DPP6: variants seen among roughly 807,000 people sequenced by gnomAD.
DPP6 encodes dipeptidyl peptidase like 6, also known as A-type potassium channel modulatory protein DPP6.
In DPP6, 69 loss-of-function variants were observed where a neutral mutation model predicts 122.6. The observed-to-expected ratio is 0.56, with a 90% CI of 0.46 to 0.69. The LOEUF is 0.69. DPP6 is among the 30% of genes least tolerant of loss of function. The pLI is 0.00. For synonymous variants in DPP6, 418 were observed against 433.1 expected (o/e 0.97, Z 0.43); for missense variants, 928 against 1,116.9 (o/e 0.83, Z 2.41).
intron 16 of DPP6, 105 bp from the exon 17 acceptor site, chr7:154,853,675 C>T: frequency 1.3e-6 from 2 of 1,492,922 alleles, no homozygotes; most frequent in Non-Finnish European, 1.8e-6. Context: ...TCTCCAGGCT[C>T]CGCACGTCTA....
intron 1 of DPP6, among the ~76,000 whole-genome samples, chr7:154,365,382 G>T (rs1027807308): frequency 5.9e-5 from 9 of 152,206 alleles, no homozygotes; most frequent in African/African-American, 2.2e-4. Context: ...GACAAGGTGC[G>T]ATCTCCACTT....
At chr7:154,538,516 G>T (rs925300535) in intron 3 of DPP6, among the ~76,000 whole-genome samples, 5 of 152,066 alleles carry the variant, frequency 3.3e-5, no homozygotes, top group Non-Finnish European at 7.4e-5. Context: ...ATGTGGGGGC[G>T]GGGTAGAAGC....
At chr7:154,572,187 G>C (rs1474345685) in intron 5 of DPP6, among the ~76,000 whole-genome samples, 2 of 152,120 alleles carry the variant, frequency 1.3e-5, no homozygotes, top group Non-Finnish European at 2.9e-5. Context: ...GTGGTGAGTT[G>C]ATAGAGCCCA....
intron 3 of DPP6, among the ~76,000 whole-genome samples, chr7:154,501,885 C>T (rs1303332739): frequency 6.6e-6 from 1 of 152,200 alleles, no homozygotes; most frequent in Non-Finnish European, 1.5e-5. Flanking sequence ...AAGCTACAGA[C>T]ACTCAAGGCC....
chr7:153,784,491 C>T, the DPP6 span, among the ~76,000 whole-genome samples: 1 of 152,050 alleles, frequency 6.6e-6, no homozygotes, highest in African/African-American at 2.4e-5. Flanking sequence ...TTTGATAGTC[C>T]TGAATGTTTT....
intron 1 of DPP6, among the ~76,000 whole-genome samples, chr7:154,287,458 C>G (rs1227507181): frequency 6.6e-6 from 1 of 152,222 alleles, no homozygotes; most frequent in African/African-American, 2.4e-5. Flanking sequence ...TCCCTGCTGG[C>G]TGCTTTAGGT....
intron 8 of DPP6, among the ~76,000 whole-genome samples, chr7:154,745,558 A>G (rs1225478923): frequency 2.0e-5 from 3 of 152,214 alleles, no homozygotes; most frequent in African/African-American, 7.2e-5. Flanking sequence ...GGAATACCTG[A>G]AACTGGGCAA....
intron 11 of DPP6, 61 bp downstream of exon 11, chr7:154,794,263 G>A (rs896493599): frequency 9.3e-6 from 14 of 1,504,784 alleles, no homozygotes; most frequent in Admixed American, 2.0e-5. Context: ...AGACGCGCCC[G>A]AGGTGGCGCC....
intron 1 of DPP6, among the ~76,000 whole-genome samples, chr7:154,159,239 C>T (rs1796851786): frequency 6.6e-6 from 1 of 152,182 alleles, no homozygotes; most frequent in Non-Finnish European, 1.5e-5. Flanking sequence ...CTCTTCTTGG[C>T]GTTCATCCTC....
chr7:154,580,065 C>T (rs1208352934), intron 5 of DPP6, among the ~76,000 whole-genome samples: 2 of 151,866 alleles, frequency 1.3e-5, no homozygotes, highest in Non-Finnish European at 2.9e-5. Flanking sequence ...TCCCGCGCGT[C>T]GGAGGGGATA....
intron 1 of DPP6, among the ~76,000 whole-genome samples, chr7:154,307,843 C>T (rs988131204): frequency 2.0e-5 from 3 of 151,168 alleles, no homozygotes; most frequent in Non-Finnish European, 4.4e-5. Context: ...TGTAGGGAGA[C>T]CAGGAAAGAG....
rs533281454 is a variant in DPP6 at position 154,391,107 on chromosome 7, A to T, written c.244-55107A>T. ...CCTGGGCTGCAGCGGGCGTTCTGGA[A>T]ATATCACAGATTACCATCACTGTCC... On this transcript the variant is annotated intron_variant, in intron 1 of 25. Coordinates refer to ENST00000377770, the MANE Select transcript of DPP6 (RefSeq NM_130797.4). 3.3e-5 allele frequency among the ~76,000 whole-genome samples: 5 copies of T among 152,284 alleles called. No individual in the cohort carries two copies. The East Asian group carries it at 9.7e-4, about 29-fold the overall frequency.
chr7:154,209,126 T>C (rs1179796547), intron 1 of DPP6, among the ~76,000 whole-genome samples: 2 of 152,212 alleles, frequency 1.3e-5, no homozygotes, highest in African/African-American at 4.8e-5. Flanking sequence ...GTTCGCCATC[T>C]TGATTCACGT....
At chr7:154,041,053 A>C (rs1172598993) in intron 1 of DPP6, among the ~76,000 whole-genome samples, 2 of 152,084 alleles carry the variant, frequency 1.3e-5, no homozygotes, top group South Asian at 2.1e-4. Context: ...AAATTTGCTA[A>C]AGCATTATTT....
intron 1 of DPP6, among the ~76,000 whole-genome samples, chr7:154,097,904 G>A (rs1278409497): frequency 6.6e-6 from 1 of 152,220 alleles, no homozygotes; most frequent in Admixed American, 6.5e-5. Context: ...GTGGGAGGGA[G>A]GTTGGTGGAG....
intron 8 of DPP6, among the ~76,000 whole-genome samples, chr7:154,752,949 G>A: frequency 6.6e-6 from 1 of 152,154 alleles, no homozygotes; most frequent in East Asian, 1.9e-4. Context: ...TTGAGCACCT[G>A]CTGTGTGCCA....
At chr7:153,956,381 A>C (rs1251361148) in intron 1 of DPP6, among the ~76,000 whole-genome samples, 1 of 152,178 alleles carries the variant, frequency 6.6e-6, no homozygotes, top group Non-Finnish European at 1.5e-5. Context: ...TGTTTGCTCC[A>C]GAAAAGAGAC....
intron 1 of DPP6, among the ~76,000 whole-genome samples, chr7:154,309,491 C>A (rs1305473261): frequency 1.3e-5 from 2 of 152,188 alleles, no homozygotes; most frequent in Non-Finnish European, 1.5e-5. Flanking sequence ...CATGTGAATT[C>A]TGGGAGAGGT....
intron 1 of DPP6, among the ~76,000 whole-genome samples, chr7:153,902,823 T>C (rs1407699928): frequency 1.3e-5 from 2 of 151,098 alleles, no homozygotes; most frequent in Admixed American, 1.3e-4. Flanking sequence ...GTAACAAGAG[T>C]GAAACCCCGT....
Sources: gnomAD v4.1 joint callset for allele counts (sites outside exome capture counted in the v4.1 genomes callset) on GRCh38, gnomAD v4.1.1 for gene constraint, MANE v1.5 for transcripts, NCBI Gene and HGNC (gene_info 2026-07-23, HGNC 2026-07-21) for gene names.